The following TBC1D19 variants were observed in gnomAD, a reference collection of about 807,000 sequenced individuals.
The protein encoded by TBC1D19 is TBC1 domain family, member 19.
A neutral mutation model predicts 89.0 loss-of-function variants in TBC1D19; 60 were observed. That is an observed-to-expected ratio of 0.67 (90% CI 0.55 to 0.84). TBC1D19 has a LOEUF of 0.84. Among genes scored for constraint, TBC1D19 ranks in the 40% least tolerant of loss-of-function variants. TBC1D19 has a pLI of 0.00. For synonymous variants in TBC1D19, 189 were observed against 199.7 expected, an observed-to-expected ratio of 0.95 and a Z score of 0.45; for missense variants, 500 against 610.8, an observed-to-expected ratio of 0.82 and a Z score of 1.91.
chr4:26,591,682 A>G lies in TBC1D19; in HGVS notation c.99+7390A>G, dbSNP rs529429989. Among the ~76,000 whole-genome samples, 28 of 152,340 alleles carry G rather than the reference A, an allele frequency of 1.8e-4. No individual in the cohort carries two copies. The South Asian group carries it at 4.8e-3, about 26-fold the overall frequency. On this transcript the variant is annotated intron_variant, in intron 1 of 20. Coordinates refer to ENST00000264866, the MANE Select transcript of TBC1D19 (RefSeq NM_018317.4). ...TCACCACTGATCCCACAGAAATACA[A>G]ACTACCATCAGAGAATACTATAAAC...
At chr4:26,771,116 G>A in the TBC1D19 span, among the ~76,000 whole-genome samples, 1 of 151,756 alleles carries the variant, frequency 6.6e-6, no homozygotes, top group African/African-American at 2.4e-5. Flanking sequence ...CTAATCATCA[G>A]GGAAATGCAG....
At chr4:26,814,101 G>A in the TBC1D19 span, among the ~76,000 whole-genome samples, 9 of 152,066 alleles carry the variant, frequency 5.9e-5, no homozygotes, top group Non-Finnish European at 1.0e-4. Flanking sequence ...CTCGTAAGCA[G>A]CCCCTCCATT....
chr4:26,704,270 A>G (rs1454385897), intron 13 of TBC1D19, among the ~76,000 whole-genome samples: 1 of 152,200 alleles, frequency 6.6e-6, no homozygotes, highest in East Asian at 1.9e-4. Context: ...GTTTGACAGT[A>G]CCATTTTCAG....
the TBC1D19 span, among the ~76,000 whole-genome samples, chr4:26,820,417 G>C: frequency 6.6e-6 from 1 of 152,084 alleles, no homozygotes; most frequent in Admixed American, 6.6e-5. Context: ...CTTTTCTAGA[G>C]TCCACATGTA....
At chr4:26,599,773 A>C (rs1740471634) in intron 1 of TBC1D19, among the ~76,000 whole-genome samples, 1 of 151,882 alleles carries the variant, frequency 6.6e-6, no homozygotes, top group Admixed American at 6.6e-5. Context: ...CAGTGAAGCC[A>C]TGTCTCTACT....
intron 9 of TBC1D19, among the ~76,000 whole-genome samples, chr4:26,668,122 G>C (rs1400478625): frequency 6.6e-6 from 1 of 151,540 alleles, no homozygotes; most frequent in African/African-American, 2.4e-5. Context: ...CCTCCCTCCT[G>C]CCACCTTTGA....
the TBC1D19 span, among the ~76,000 whole-genome samples, chr4:26,795,248 G>A: frequency 7.0e-6 from 1 of 141,972 alleles, no homozygotes; most frequent in Non-Finnish European, 1.6e-5. Flanking sequence ...CTCTACAAAG[G>A]CTCTGCTCCC....
the TBC1D19 span, among the ~76,000 whole-genome samples, chr4:26,812,526 T>C: frequency 6.6e-6 from 1 of 152,206 alleles, no homozygotes. The surrounding 1 kb of genome is among the most constrained non-coding windows in gnomAD (Gnocchi z 4.2). Context: ...GGACCCACCC[T>C]TTATTAACAT....
chr4:26,856,936 T>C, the TBC1D19 span, among the ~76,000 whole-genome samples: 1 of 152,220 alleles, frequency 6.6e-6, no homozygotes, highest in Non-Finnish European at 1.5e-5. Context: ...TAAAAAACTA[T>C]GTTAGTTAAA....
At chr4:26,788,790 G>T in the TBC1D19 span, among the ~76,000 whole-genome samples, 1 of 152,082 alleles carries the variant, frequency 6.6e-6, no homozygotes, top group Non-Finnish European at 1.5e-5. Flanking sequence ...TATCAAGTCG[G>T]CTTCCTGTTA....
chr4:26,660,974 A>G (rs1300056368), intron 8 of TBC1D19, among the ~76,000 whole-genome samples: 1 of 152,172 alleles, frequency 6.6e-6, no homozygotes, highest in African/African-American at 2.4e-5. Context: ...GCAAGAAGCA[A>G]TATGATTTTC....
the TBC1D19 span, among the ~76,000 whole-genome samples, chr4:26,780,378 C>T: frequency 6.6e-6 from 1 of 152,310 alleles, no homozygotes; most frequent in African/African-American, 2.4e-5. Flanking sequence ...CACCCAGATT[C>T]TTGAGACTCT....
At chr4:26,843,138 T>C in the TBC1D19 span, among the ~76,000 whole-genome samples, 12 of 152,204 alleles carry the variant, frequency 7.9e-5, no homozygotes, top group African/African-American at 2.2e-4. Context: ...GAACAACAAT[T>C]CTTCCACTGC....
chr4:26,751,037 A>C (rs1383496249), intron 19 of TBC1D19, among the ~76,000 whole-genome samples: 1 of 152,230 alleles, frequency 6.6e-6, no homozygotes, highest in African/African-American at 2.4e-5. Context: ...AGACCAAAAG[A>C]AAATATTAGA....
At chr4:26,766,646 C>G in the TBC1D19 span, among the ~76,000 whole-genome samples, 5 of 152,180 alleles carry the variant, frequency 3.3e-5, no homozygotes, top group East Asian at 9.6e-4. Flanking sequence ...ATAGTCACTA[C>G]TGTTGCAAAC....
intron 16 of TBC1D19, among the ~76,000 whole-genome samples, chr4:26,736,062 C>T (rs1223063590): frequency 2.9e-5 from 4 of 136,356 alleles, no homozygotes; most frequent in African/African-American, 7.9e-5. Flanking sequence ...ACCCAAAGGA[C>T]TATAAATCAT....
intron 1 of TBC1D19, among the ~76,000 whole-genome samples, chr4:26,597,544 A>T (rs260949): frequency 0.88 from 123,720 of 139,834 alleles, 56,360 homozygotes; most frequent in Non-Finnish European, 1. Context: ...TTTTTTTTTT[A>T]AGTAGAGACG....
At chr4:26,667,176 A>G (rs1313567809) in intron 9 of TBC1D19, among the ~76,000 whole-genome samples, 1 of 152,018 alleles carries the variant, frequency 6.6e-6, no homozygotes. Context: ...ATATTGTCTC[A>G]TTTTAACCTC....
At chr4:26,851,057 G>C in the TBC1D19 span, among the ~76,000 whole-genome samples, 143 of 152,306 alleles carry the variant, frequency 9.4e-4, no homozygotes, top group Non-Finnish European at 1.2e-3. Context: ...TTCTTCTGCT[G>C]CCCTTGGACA....
Sources: allele counts gnomAD v4.1 joint callset (sites outside exome capture counted in the v4.1 genomes callset), GRCh38; gene constraint gnomAD v4.1.1; non-coding constraint Gnocchi (gnomAD v3.1); transcripts MANE v1.5; gene names NCBI Gene and HGNC (gene_info 2026-07-23, HGNC 2026-07-21).